The following DPP10 variants were observed in gnomAD, a reference collection of about 807,000 sequenced individuals.
DPP10 encodes inactive dipeptidyl peptidase 10.
In DPP10, 33 loss-of-function variants were observed where a neutral mutation model predicts 120.9. That is an observed-to-expected ratio of 0.27 (90% CI 0.21 to 0.37). The LOEUF (loss-of-function observed/expected upper bound fraction) is 0.37. Among genes scored for constraint, DPP10 ranks in the 10% least tolerant of loss-of-function variants. The pLI is 1.00. For synonymous variants in DPP10, 337 were observed against 326.1 expected, an observed-to-expected ratio of 1.03 and a Z score of -0.36; for missense variants, 816 against 942.8, an observed-to-expected ratio of 0.87 and a Z score of 1.76.
intron 1 of DPP10, among the ~76,000 whole-genome samples, chr2:115,032,785 T>C (rs1573375262): frequency 6.6e-6 from 1 of 150,416 alleles, no homozygotes; most frequent in African/African-American, 2.5e-5. Flanking sequence ...CTCGGGAGGC[T>C]GAGGCAGGAG....
At chr2:115,588,592 C>G (rs1353644538) in intron 5 of DPP10, among the ~76,000 whole-genome samples, 2 of 152,186 alleles carry the variant, frequency 1.3e-5, no homozygotes, top group Non-Finnish European at 2.9e-5. Flanking sequence ...CACATGGAAT[C>G]ATGTGTTGCA....
chr2:115,772,937 C>G (rs1241027717), intron 13 of DPP10, among the ~76,000 whole-genome samples: 1 of 152,126 alleles, frequency 6.6e-6, no homozygotes, highest in Non-Finnish European at 1.5e-5. Flanking sequence ...TGAATCCATT[C>G]ACTTTCTCTA....
intron 7 of DPP10, among the ~76,000 whole-genome samples, chr2:115,720,971 T>C (rs1007074993): frequency 6.6e-6 from 1 of 152,112 alleles, no homozygotes; most frequent in African/African-American, 2.4e-5. Context: ...AATGTTCAAG[T>C]TCTATTAGGC....
At chr2:115,827,283 A>ATGTG (rs576753397) in intron 21 of DPP10, among the ~76,000 whole-genome samples, 1,912 of 150,254 alleles carry the variant, frequency 0.013, 43 homozygotes, top group African/African-American at 0.042. Context: ...ATGTATACAC[A>ATGTG]TACATATATA....
At chr2:115,753,335 A>G (rs1215741369) in intron 11 of DPP10, 38 bp downstream of exon 11, 1 of 1,567,984 alleles carries the variant, frequency 6.4e-7, no homozygotes. Flanking sequence ...CCTAAAATGA[A>G]GTAGCTTATG....
intron 1 of DPP10, among the ~76,000 whole-genome samples, chr2:115,135,891 A>G (rs2050628027): frequency 6.6e-6 from 1 of 152,216 alleles, no homozygotes; most frequent in African/African-American, 2.4e-5. Context: ...GTAAATGTGC[A>G]GGAAGGTCAT....
At chr2:115,721,769 A>G (rs764408885) in intron 7 of DPP10, among the ~76,000 whole-genome samples, 2 of 152,202 alleles carry the variant, frequency 1.3e-5, no homozygotes, top group Non-Finnish European at 2.9e-5. Context: ...ATTCAAAATA[A>G]TTGAAATTGG....
intron 5 of DPP10, among the ~76,000 whole-genome samples, chr2:115,646,610 G>A (rs544279228): frequency 1.1e-3 from 168 of 152,204 alleles, no homozygotes; most frequent in Middle Eastern, 6.8e-3. Context: ...GGATTCCTAC[G>A]TAGATGGCTA....
rs751694854 is a variant in DPP10, at chr2:115,610,490, A to AGT, written c.442-79174_442-79173dup. On this transcript the variant is annotated intron_variant, in intron 5 of 25. Transcript: ENST00000410059. ...AAGGCTATGTACCACAAGCAGTATG[A>AGT]GTGTGTGTGTGTGTGTGTGTGTGTT... Among the ~76,000 whole-genome samples the AGT allele has an allele frequency of 1.5e-3, 48 of 31,198 alleles. 1 individual carries two copies. The highest frequency in any genetic ancestry group is 5.8e-3 in the African/African-American group (47 of 8,144). 20.5% of individuals were successfully genotyped at this position (31,198 alleles called of 152,430 possible).
intron 7 of DPP10, among the ~76,000 whole-genome samples, chr2:115,718,963 T>C (rs949528800): frequency 3.3e-5 from 5 of 152,198 alleles, no homozygotes; most frequent in African/African-American, 9.6e-5. Context: ...ATAACAGTTA[T>C]AATATTGATA....
At chr2:114,549,684 A>AAAAGAG (rs1558870967) in intron 1 of DPP10, among the ~76,000 whole-genome samples, 1 of 69,072 alleles carries the variant, frequency 1.4e-5, no homozygotes, top group Non-Finnish European at 3.5e-5. Context: ...AAAAAAAAAA[A>AAAAGAG]AGAGAGAGAG....
chr2:115,475,223 C>A (rs535697683), intron 3 of DPP10, among the ~76,000 whole-genome samples: 2 of 152,180 alleles, frequency 1.3e-5, no homozygotes, highest in Non-Finnish European at 2.9e-5. Flanking sequence ...CAGGGCCCCA[C>A]GGACCTGTGC....
intron 1 of DPP10, among the ~76,000 whole-genome samples, chr2:115,046,162 C>T (rs1413016693): frequency 6.6e-6 from 1 of 152,038 alleles, no homozygotes; most frequent in East Asian, 1.9e-4. Context: ...AGTAATTAAC[C>T]AAGGTGTAAG....
chr2:114,937,037 T>C (rs1374430625), intron 1 of DPP10, among the ~76,000 whole-genome samples: 2 of 152,202 alleles, frequency 1.3e-5, no homozygotes, highest in Non-Finnish European at 2.9e-5. Flanking sequence ...TTTCTCACTC[T>C]GTGGGTTGTC....
At chr2:114,694,639 C>A (rs368468752) in intron 1 of DPP10, among the ~76,000 whole-genome samples, 2 of 151,828 alleles carry the variant, frequency 1.3e-5, no homozygotes, top group Non-Finnish European at 2.9e-5. Flanking sequence ...ATGAATAAAA[C>A]GTAATATTTG....
intron 1 of DPP10, among the ~76,000 whole-genome samples, chr2:114,598,237 T>TTTTGATA (rs1692085180): frequency 6.6e-6 from 1 of 151,934 alleles, no homozygotes; most frequent in South Asian, 2.1e-4. Context: ...GAGAAACTTG[T>TTTTGATA]TTTAATATCA....
At chr2:114,872,909 A>C (rs1004720172) in intron 1 of DPP10, among the ~76,000 whole-genome samples, 7 of 152,222 alleles carry the variant, frequency 4.6e-5, no homozygotes, top group African/African-American at 1.7e-4. Context: ...TAGTTGATTC[A>C]CATTCTCCAA....
At chr2:114,467,020 G>C (rs377222765) in intron 1 of DPP10, among the ~76,000 whole-genome samples, 27 of 143,504 alleles carry the variant, frequency 1.9e-4, no homozygotes, top group East Asian at 6.2e-4. Context: ...CAGGGCGAGA[G>C]AGGAAGACTC....
chr2:114,825,600 C>T (rs1686455514), intron 1 of DPP10, among the ~76,000 whole-genome samples: 1 of 152,156 alleles, frequency 6.6e-6, no homozygotes, highest in Non-Finnish European at 1.5e-5. Context: ...CGAAAGGATG[C>T]TCAATTATAT....
Sources: allele counts gnomAD v4.1 joint callset (sites outside exome capture counted in the v4.1 genomes callset), GRCh38; gene constraint gnomAD v4.1.1; transcripts MANE v1.5; gene names NCBI Gene and HGNC (gene_info 2026-07-23, HGNC 2026-07-21).